LIN7A: variants seen among roughly 807,000 people sequenced by gnomAD.
LIN7A encodes the protein protein lin-7 homolog A.
In LIN7A, 25 loss-of-function variants were observed where a neutral mutation model predicts 29.8. The ratio of observed to expected loss-of-function variants is 0.84; its 90% confidence interval spans 0.61 to 1.17. LIN7A has a LOEUF of 1.17. Among genes scored for constraint, LIN7A ranks in the 50% most tolerant of loss-of-function variants. The probability of loss-of-function intolerance (pLI) is 0.00; values close to 1 mark genes in which losing one functional copy is unlikely to be tolerated. For missense variants in LIN7A, 239 were observed against 287.0 expected, an observed-to-expected ratio of 0.83 and a Z score of 1.21; for synonymous variants, 118 against 107.5, an observed-to-expected ratio of 1.10 and a Z score of -0.60.
At chr12:80,924,465 C>T (rs1429360685) in intron 1 of LIN7A, among the ~76,000 whole-genome samples, 1 of 152,188 alleles carries the variant, frequency 6.6e-6, no homozygotes, top group Non-Finnish European at 1.5e-5. Context: ...GTTCTAAGCA[C>T]TTGCATGTGT....
intron 1 of LIN7A, among the ~76,000 whole-genome samples, chr12:80,902,799 G>T (rs1465401479): frequency 6.6e-6 from 1 of 151,940 alleles, no homozygotes; most frequent in East Asian, 1.9e-4. Context: ...GAATCATATT[G>T]TCACTGAAGA....
At chr12:80,900,388 A>G (rs1455274334) in intron 1 of LIN7A, among the ~76,000 whole-genome samples, 2 of 152,126 alleles carry the variant, frequency 1.3e-5, no homozygotes, top group Non-Finnish European at 2.9e-5. Context: ...TAACATTTTG[A>G]TGTGGGCATT....
chr12:80,890,939 G>A (rs1259488779), intron 1 of LIN7A, among the ~76,000 whole-genome samples: 1 of 151,954 alleles, frequency 6.6e-6, no homozygotes, highest in Non-Finnish European at 1.5e-5. Context: ...GATGCCCATG[G>A]ATGCATGGAA....
At chr12:80,908,751 T>G (rs1876610013) in intron 1 of LIN7A, among the ~76,000 whole-genome samples, 1 of 152,122 alleles carries the variant, frequency 6.6e-6, no homozygotes, top group African/African-American at 2.4e-5. Context: ...TGATGTTGAC[T>G]ATCTTTTCAT....
At chr12:80,884,719 T>C (rs1302303554) in intron 2 of LIN7A, among the ~76,000 whole-genome samples, 1 of 152,184 alleles carries the variant, frequency 6.6e-6, no homozygotes, top group Non-Finnish European at 1.5e-5. Context: ...TCATTCCATA[T>C]AGGGTTGATT....
intron 1 of LIN7A, among the ~76,000 whole-genome samples, chr12:80,890,710 G>A (rs1875576848): frequency 2.0e-5 from 3 of 152,084 alleles, no homozygotes; most frequent in South Asian, 2.1e-4. Flanking sequence ...TCCAAAGTCT[G>A]TCTTTTAGTA....
chr12:80,816,587 T>C (rs972538136), intron 4 of LIN7A, among the ~76,000 whole-genome samples: 5 of 152,216 alleles, frequency 3.3e-5, no homozygotes, highest in African/African-American at 4.8e-5. Context: ...TCCTATAACA[T>C]TGATGTACAA....
chr12:80,845,941 TGAA>T lies in LIN7A; in HGVS notation c.274-5_274-3del. 1 of 1,509,130 alleles carries T rather than the reference TGAA, an allele frequency of 6.6e-7. No homozygotes were observed. Among genetic ancestry groups the T allele is most frequent in the Non-Finnish European group, 8.8e-7 (1 of 1,134,626 alleles). The allele number at this position is 1,509,130 out of a possible 1,614,324, so 93.5% of individuals were successfully genotyped here. A position where few individuals can be genotyped will look rare whatever the true frequency, so the allele number is the denominator to read the frequency against. On this transcript the variant is annotated splice_region_variant and splice_polypyrimidine_tract_variant and intron_variant, in intron 3 of 5. Coordinates refer to ENST00000552864, the MANE Select transcript of LIN7A (RefSeq NM_004664.4). Reference sequence around the variant, plus strand: ...AGCTGCAAAAGCTGCAACTGTTGCCTGAAAAAAAAAAAAAAAGATGGTCTTTTG... The same window carrying T: ...AGCTGCAAAAGCTGCAACTGTTGCCTAAAAAAAAAAAAAGATGGTCTTTTG...
intron 4 of LIN7A, among the ~76,000 whole-genome samples, chr12:80,822,159 G>A (rs1201563520): frequency 1.3e-5 from 2 of 152,202 alleles, no homozygotes; most frequent in Non-Finnish European, 1.5e-5. Context: ...AAAGCAAGAA[G>A]GCGCAAAGCT....
At chr12:80,927,264 C>CGA (rs1307892136) in intron 1 of LIN7A, among the ~76,000 whole-genome samples, 2 of 144,412 alleles carry the variant, frequency 1.4e-5, no homozygotes, top group East Asian at 4.4e-4. Flanking sequence ...CGGCTTCAGG[C>CGA]GATTCACCTG....
chr12:80,889,696 A>G (rs147253506), intron 1 of LIN7A, among the ~76,000 whole-genome samples: 6 of 152,180 alleles, frequency 3.9e-5, no homozygotes, highest in South Asian at 2.1e-4. Flanking sequence ...TAATTCATCA[A>G]TTTTGCCTCT....
At chr12:80,893,261 G>A (rs1487222529) in intron 1 of LIN7A, among the ~76,000 whole-genome samples, 1 of 152,196 alleles carries the variant, frequency 6.6e-6, no homozygotes, top group South Asian at 2.1e-4. Flanking sequence ...ACAGCAATTA[G>A]TGCTAAGGCG....
chr12:80,925,874 A>G (rs1877555195), intron 1 of LIN7A, among the ~76,000 whole-genome samples: 1 of 152,160 alleles, frequency 6.6e-6, no homozygotes, highest in Non-Finnish European at 1.5e-5. Flanking sequence ...CCTCACAACA[A>G]TCTTGTAAAA....
At chr12:80,928,261 T>C (rs989006280) in intron 1 of LIN7A, among the ~76,000 whole-genome samples, 2 of 152,324 alleles carry the variant, frequency 1.3e-5, no homozygotes, top group South Asian at 4.1e-4. Context: ...TTTCTAGTTC[T>C]AGATCCTTGA....
chr12:80,857,221 A>G (rs1873649190), intron 2 of LIN7A, among the ~76,000 whole-genome samples: 1 of 152,170 alleles, frequency 6.6e-6, no homozygotes, highest in South Asian at 2.1e-4. Context: ...TCTTAGATTC[A>G]GAGTGGAGTA....
At chr12:80,921,895 C>G (rs949860208) in intron 1 of LIN7A, among the ~76,000 whole-genome samples, 3 of 152,170 alleles carry the variant, frequency 2.0e-5, no homozygotes, top group African/African-American at 7.2e-5. Flanking sequence ...TCAAACTCAG[C>G]TAAGTAGGAT....
At chr12:80,935,199 C>T in intron 1 of LIN7A, among the ~76,000 whole-genome samples, 1 of 152,160 alleles carries the variant, frequency 6.6e-6, no homozygotes, top group Non-Finnish European at 1.5e-5. Flanking sequence ...GAAATGGTCT[C>T]TTCCCTCACG....
At chr12:80,900,496 A>G (rs1194296299) in intron 1 of LIN7A, among the ~76,000 whole-genome samples, 2 of 152,198 alleles carry the variant, frequency 1.3e-5, no homozygotes, top group Non-Finnish European at 2.9e-5. Flanking sequence ...GAATTTCTTG[A>G]TTTCTGCCTT....
rs1878329240 is a variant in LIN7A at position 80,937,779 on chromosome 12, G to C, written c.-57C>G. On this transcript the variant is annotated 5_prime_UTR_variant, in exon 1 of 6. Coordinates refer to ENST00000552864, the MANE Select transcript of LIN7A (RefSeq NM_004664.4). ...GAGATTGGGGGCGGGGGTGGAGAGGGAAGACGGAAAGGAGGGGGAGGAGGG... is the reference window on the plus strand; with the variant it reads ...GAGATTGGGGGCGGGGGTGGAGAGGCAAGACGGAAAGGAGGGGGAGGAGGG... The C allele has an allele frequency of 1.3e-5, 4 of 315,462 alleles. No individual in the cohort carries two copies. The highest frequency in any genetic ancestry group is 2.5e-5 in the African/African-American group (1 of 39,692). 19.5% of individuals were successfully genotyped at this position (315,462 alleles called of 1,614,324 possible).
Sources: allele counts gnomAD v4.1 joint callset (sites outside exome capture counted in the v4.1 genomes callset), GRCh38; gene constraint gnomAD v4.1.1; transcripts MANE v1.5; gene names NCBI Gene and HGNC (gene_info 2026-07-23, HGNC 2026-07-21).